Variants in LEPR observed in about 807,000 individuals in gnomAD.
LEPR encodes OB receptor.
A neutral mutation model predicts 114.7 loss-of-function variants in LEPR; 56 were observed. That is an observed-to-expected ratio of 0.49 (90% CI 0.39 to 0.61). LEPR has a LOEUF of 0.61. Among genes scored for constraint, LEPR ranks in the 20% least tolerant of loss-of-function variants. The probability of loss-of-function intolerance (pLI) is 0.00; values close to 1 mark genes in which losing one functional copy is unlikely to be tolerated. For missense variants in LEPR, 1,202 were observed against 1,352.9 expected (o/e 0.89, Z 1.75); for synonymous variants, 443 against 461.4 (o/e 0.96, Z 0.51).
intron 2 of LEPR, among the ~76,000 whole-genome samples, chr1:65,544,569 G>A (rs2100678715): frequency 6.6e-6 from 1 of 151,930 alleles, no homozygotes; most frequent in East Asian, 1.9e-4. Flanking sequence ...TATGATATTG[G>A]CTATGGGTCA....
chr1:65,426,642 T>C (rs1646377445), intron 2 of LEPR, among the ~76,000 whole-genome samples: 1 of 152,060 alleles, frequency 6.6e-6, no homozygotes, highest in African/African-American at 2.4e-5. Context: ...ATGTCAGGAT[T>C]CAACAAGGAG....
intron 7 of LEPR, among the ~76,000 whole-genome samples, chr1:65,597,057 G>C (rs995800383): frequency 1.2e-4 from 18 of 152,160 alleles, no homozygotes; most frequent in East Asian, 1.2e-3. Flanking sequence ...TATTTGATCA[G>C]ATTTCTCATC....
intron 2 of LEPR, among the ~76,000 whole-genome samples, chr1:65,550,832 C>T (rs1309641913): frequency 3.3e-5 from 5 of 152,158 alleles, no homozygotes; most frequent in Admixed American, 3.3e-4. Context: ...CACTGTCCTG[C>T]ACCCACTGTC....
chr1:65,513,026 G>A (rs539883295), intron 2 of LEPR, among the ~76,000 whole-genome samples: 1 of 152,272 alleles, frequency 6.6e-6, no homozygotes, highest in South Asian at 2.1e-4. Flanking sequence ...TCACCTCCTT[G>A]ACTCTTACAG....
intron 2 of LEPR, among the ~76,000 whole-genome samples, chr1:65,557,584 T>C (rs1391130902): frequency 6.6e-6 from 1 of 152,126 alleles, no homozygotes; most frequent in African/African-American, 2.4e-5. Context: ...CACACCCAGC[T>C]ACTTTTTGTA....
chr1:65,589,263 G>A (rs2100881854), intron 5 of LEPR, among the ~76,000 whole-genome samples: 1 of 151,922 alleles, frequency 6.6e-6, no homozygotes, highest in Non-Finnish European at 1.5e-5. Flanking sequence ...TTTTAACTGG[G>A]TTGTTTGTAT....
intron 2 of LEPR, among the ~76,000 whole-genome samples, chr1:65,488,851 G>A (rs1273715293): frequency 1.3e-5 from 2 of 151,750 alleles, no homozygotes; most frequent in Non-Finnish European, 2.9e-5. Flanking sequence ...GCTCCCACAT[G>A]TGAGTGAGAA....
chr1:65,430,274 T>C, intron 2 of LEPR: 1 of 372,208 alleles, frequency 2.7e-6, no homozygotes, highest in South Asian at 1.3e-4. Flanking sequence ...ATATGATTTC[T>C]TACTTTTTCT....
chr1:65,548,061 A>G (rs1337747030), intron 2 of LEPR, among the ~76,000 whole-genome samples: 2 of 151,814 alleles, frequency 1.3e-5, no homozygotes, highest in Non-Finnish European at 2.9e-5. Flanking sequence ...TCATTTCGTT[A>G]TGTACCCAGT....
intron 5 of LEPR, among the ~76,000 whole-genome samples, chr1:65,588,108 A>G (rs10789188): frequency 0.67 from 101,188 of 151,356 alleles, 34,161 homozygotes; most frequent in East Asian, 0.94. Context: ...GTAGACAGAG[A>G]CACTGTTACT....
intron 2 of LEPR, chr1:65,432,030 C>A (rs915418942): frequency 1.4e-6 from 2 of 1,435,112 alleles, no homozygotes; most frequent in East Asian, 2.5e-5. Context: ...TTTTTAATAC[C>A]TTTATATATC....
chr1:65,550,135 G>C (rs899760181), intron 2 of LEPR, among the ~76,000 whole-genome samples: 1 of 152,120 alleles, frequency 6.6e-6, no homozygotes, highest in Non-Finnish European at 1.5e-5. Flanking sequence ...GCGGATTTTC[G>C]TGAACCGCGA....
At chr1:65,488,226 C>CTCTCTCTCTCTCTCTCTCTCTT (rs1553157734) in intron 2 of LEPR, among the ~76,000 whole-genome samples, 1 of 67,918 alleles carries the variant, frequency 1.5e-5, no homozygotes, top group African/African-American at 8.8e-5. Context: ...CTCTCTCTCT[C>CTCTCTCTCTCTCTCTCTCTCTT]TCTTTCTTTC....
At chr1:65,576,950 G>T in intron 5 of LEPR, 1 of 352,440 alleles carries the variant, frequency 2.8e-6, no homozygotes, top group Non-Finnish European at 5.6e-6. Context: ...GTCTGTTCCT[G>T]GCAAACAATC....
intron 5 of LEPR, among the ~76,000 whole-genome samples, 200 bp downstream of exon 5, chr1:65,572,649 G>T (rs1654283078): frequency 6.6e-6 from 1 of 152,052 alleles, no homozygotes; most frequent in Non-Finnish European, 1.5e-5. Flanking sequence ...CAGGTTTAGG[G>T]TCACGATTGT....
intron 5 of LEPR, chr1:65,576,724 G>C: frequency 5.3e-6 from 1 of 188,324 alleles, no homozygotes; most frequent in Non-Finnish European, 1.1e-5. Flanking sequence ...TATTCATCCA[G>C]CCAGACATGT....
intron 2 of LEPR, among the ~76,000 whole-genome samples, chr1:65,440,220 T>C (rs1021347496): frequency 6.6e-6 from 1 of 152,082 alleles, no homozygotes; most frequent in African/African-American, 2.4e-5. Context: ...TTTTTAATTT[T>C]AGGTCTACTC....
At chr1:65,490,431 G>A (rs554031309) in intron 2 of LEPR, among the ~76,000 whole-genome samples, 4 of 152,000 alleles carry the variant, frequency 2.6e-5, no homozygotes, top group African/African-American at 4.8e-5. Context: ...AATTTTTCTG[G>A]GAGGATTATA....
At chr1:65,565,035 A>G (rs1329364504) in intron 2 of LEPR, among the ~76,000 whole-genome samples, 1 of 152,200 alleles carries the variant, frequency 6.6e-6, no homozygotes, top group Non-Finnish European at 1.5e-5. Flanking sequence ...TAGGTTTCCA[A>G]AGGTCTACTG....
Sources: gnomAD v4.1 joint callset for allele counts (sites outside exome capture counted in the v4.1 genomes callset) on GRCh38, gnomAD v4.1.1 for gene constraint, MANE v1.5 for transcripts, NCBI Gene and HGNC (gene_info 2026-07-23, HGNC 2026-07-21) for gene names.